The following RGS7 variants were observed in gnomAD, a reference collection of about 807,000 sequenced individuals.
RGS7 encodes the protein regulator of G-protein signaling 7.
A neutral mutation model predicts 81.1 loss-of-function variants in RGS7; 27 were observed. The ratio of observed to expected loss-of-function variants is 0.33; its 90% CI spans 0.25 to 0.46. The LOEUF is 0.46. Ranked by LOEUF, RGS7 falls within the 20% of genes least tolerant of loss-of-function variation. The pLI, the probability that RGS7 is intolerant of heterozygous loss-of-function variation, is 1.00. For synonymous variants in RGS7, 208 were observed against 207.7 expected (o/e 1.00, Z -0.01); for missense variants, 396 against 607.4 (o/e 0.65, Z 3.66).
intron 2 of RGS7, among the ~76,000 whole-genome samples, chr1:241,239,591 C>T (rs866053218): frequency 5.3e-5 from 8 of 152,166 alleles, no homozygotes; most frequent in South Asian, 2.1e-4. Flanking sequence ...ACCCCAAGCA[C>T]GCCATGGTCT....
intron 6 of RGS7, among the ~76,000 whole-genome samples, chr1:240,925,502 T>C (rs527622071): frequency 1.2e-4 from 18 of 152,316 alleles, no homozygotes; most frequent in African/African-American, 4.1e-4. Flanking sequence ...GTATATATAT[T>C]ACATTTTCTT....
At chr1:241,069,644 T>A (rs1358445892) in intron 3 of RGS7, among the ~76,000 whole-genome samples, 2 of 152,188 alleles carry the variant, frequency 1.3e-5, no homozygotes, top group African/African-American at 4.8e-5. Context: ...ACTGAAATGG[T>A]AAACCATCCA....
intron 2 of RGS7, among the ~76,000 whole-genome samples, chr1:241,302,908 C>G (rs754873722): frequency 6.6e-6 from 1 of 151,896 alleles, no homozygotes. Context: ...CACTGTAATA[C>G]TATTATCACG....
chr1:241,262,882 C>T (rs1201415633), intron 2 of RGS7, among the ~76,000 whole-genome samples: 5 of 151,974 alleles, frequency 3.3e-5, no homozygotes, highest in African/African-American at 1.2e-4. Context: ...GGGTGGATCA[C>T]GAGGTCAGGA....
At chr1:240,817,985 A>G (rs1046120021) in intron 10 of RGS7, among the ~76,000 whole-genome samples, 7 of 152,154 alleles carry the variant, frequency 4.6e-5, no homozygotes, top group Admixed American at 1.3e-4. Context: ...TTCCCAGACT[A>G]TCTTGGGTAG....
intron 2 of RGS7, among the ~76,000 whole-genome samples, chr1:241,304,772 G>C (rs925847412): frequency 1.3e-5 from 2 of 152,146 alleles, no homozygotes; most frequent in Admixed American, 1.3e-4. Flanking sequence ...TAAAGAAAAA[G>C]TAAAGAAGTC....
At chr1:241,262,447 T>G (rs529087906) in intron 2 of RGS7, among the ~76,000 whole-genome samples, 3 of 152,236 alleles carry the variant, frequency 2.0e-5, no homozygotes, top group African/African-American at 4.8e-5. Flanking sequence ...CAGAAGTTCA[T>G]GGGCACTATC....
chr1:241,191,318 ATGAG>A (rs2072635356), intron 2 of RGS7, among the ~76,000 whole-genome samples: 1 of 152,158 alleles, frequency 6.6e-6, no homozygotes, highest in Admixed American at 6.6e-5. Context: ...TTTATCATAA[ATGAG>A]TATTTAATTT....
intron 2 of RGS7, among the ~76,000 whole-genome samples, chr1:241,103,941 C>T (rs939732228): frequency 3.3e-5 from 5 of 152,286 alleles, no homozygotes; most frequent in South Asian, 2.1e-4. Flanking sequence ...ATTGTCAGCA[C>T]ATTTTAGTTT....
chr1:240,871,565 A>G (rs902576628), intron 6 of RGS7, among the ~76,000 whole-genome samples: 1 of 152,186 alleles, frequency 6.6e-6, no homozygotes, highest in Admixed American at 6.6e-5. Context: ...TAATAATTTT[A>G]TTGTTCTACT....
intron 3 of RGS7, among the ~76,000 whole-genome samples, chr1:241,055,211 C>G (rs1455942854): frequency 6.6e-6 from 1 of 152,192 alleles, no homozygotes; most frequent in African/African-American, 2.4e-5. Context: ...AATTCGGACA[C>G]TATCTACCCG....
chr1:241,039,987 A>G (rs987471467), intron 3 of RGS7, among the ~76,000 whole-genome samples: 3 of 152,220 alleles, frequency 2.0e-5, no homozygotes, highest in Non-Finnish European at 4.4e-5. Context: ...TTAATAGAAG[A>G]TTGAATGTAA....
intron 9 of RGS7, among the ~76,000 whole-genome samples, chr1:240,861,944 C>A (rs183998233): frequency 6.6e-6 from 1 of 152,048 alleles, no homozygotes; most frequent in Non-Finnish European, 1.5e-5. Context: ...AAGCTACTAA[C>A]GCATTATTCT....
At chr1:240,806,349 T>C in intron 14 of RGS7, 23 bp from the exon 15 acceptor site, 1 of 1,610,550 alleles carries the variant, frequency 6.2e-7, no homozygotes, top group Non-Finnish European at 8.5e-7. Flanking sequence ...TGAGATCGGG[T>C]GTTTACTCTG....
intron 9 of RGS7, among the ~76,000 whole-genome samples, chr1:240,829,569 A>C (rs929241013): frequency 9.9e-5 from 15 of 152,200 alleles, no homozygotes; most frequent in African/African-American, 3.6e-4. Flanking sequence ...GCAGCCTTCC[A>C]TCCCTAAGCC....
chr1:240,933,675 C>T (rs1338151831), intron 5 of RGS7, among the ~76,000 whole-genome samples: 1 of 151,818 alleles, frequency 6.6e-6, no homozygotes, highest in African/African-American at 2.4e-5. Context: ...ATATTGGCTT[C>T]CTTAGCTAGG....
chr1:240,986,571 A>ATTTT (rs1172119682), intron 3 of RGS7, among the ~76,000 whole-genome samples: 94 of 4,348 alleles, frequency 0.022, 34 homozygotes, highest in Non-Finnish European at 0.023. Flanking sequence ...CACCACTATT[A>ATTTT]TTTTTTTTTT....
chr1:240,998,234 G>A (rs1687590671), intron 3 of RGS7, among the ~76,000 whole-genome samples: 1 of 152,100 alleles, frequency 6.6e-6, no homozygotes, highest in Non-Finnish European at 1.5e-5. Context: ...CTTTCAAGAT[G>A]TTTGTTTTGT....
intron 6 of RGS7, among the ~76,000 whole-genome samples, chr1:240,899,537 C>T (rs997634322): frequency 6.6e-6 from 1 of 152,174 alleles, no homozygotes; most frequent in Non-Finnish European, 1.5e-5. Flanking sequence ...TTCTCCTTCA[C>T]TTAGGAAGCT....
Sources: gnomAD v4.1 joint callset for allele counts (sites outside exome capture counted in the v4.1 genomes callset) on GRCh38, gnomAD v4.1.1 for gene constraint, MANE v1.5 for transcripts, NCBI Gene and HGNC (gene_info 2026-07-23, HGNC 2026-07-21) for gene names.